The following TMEM87A variants were observed in gnomAD, a reference collection of about 807,000 sequenced individuals.
TMEM87A encodes the protein transmembrane protein 87A, also known as Golgi-pH regulating cation channel.
A neutral mutation model predicts 90.0 loss-of-function variants in TMEM87A; 50 were observed. The observed-to-expected ratio is 0.56, with a 90% CI of 0.44 to 0.70. The LOEUF is 0.70. Ranked by LOEUF, TMEM87A falls within the 30% of genes least tolerant of loss-of-function variation. The probability of loss-of-function intolerance (pLI) is 0.00; values close to 1 mark genes in which losing one functional copy is unlikely to be tolerated. For synonymous variants in TMEM87A, 226 were observed against 226.7 expected (o/e 1.00, Z 0.03); for missense variants, 577 against 660.5 (o/e 0.87, Z 1.39).
chr15:42,258,727 C>A, intron 6 of TMEM87A: 3 of 1,378,626 alleles, frequency 2.2e-6, no homozygotes, highest in Non-Finnish European at 2.8e-6. Flanking sequence ...GTACCCAGTC[C>A]TAATGGCTAT....
At chr15:42,242,570 G>C (rs1201014686) in intron 7 of TMEM87A, among the ~76,000 whole-genome samples, 1 of 151,782 alleles carries the variant, frequency 6.6e-6, no homozygotes, top group Admixed American at 6.6e-5. Context: ...GGAAGAGAAA[G>C]AGAGAGAGAG....
At chr15:42,260,222 A>T (rs1269458592) in intron 6 of TMEM87A, among the ~76,000 whole-genome samples, 4 of 152,130 alleles carry the variant, frequency 2.6e-5, no homozygotes, top group African/African-American at 4.8e-5. Flanking sequence ...AAAATTTTTT[A>T]AAATTAACCA....
chr15:42,273,553 TCGTCTGTGCGC>T (rs1346784287), upstream of TMEM87A: 7 of 1,315,374 alleles, frequency 5.3e-6, no homozygotes, highest in Non-Finnish European at 6.1e-6. Context: ...TCTCAGACAG[TCGTCTGTGCGC>T]CGTGAGACTT....
rs189313975 is a variant in TMEM87A at position 42,256,089 on chromosome 15, A to G, written c.504+4869T>C. Among the ~76,000 whole-genome samples the G allele has an allele frequency of 1.8e-3, 267 of 152,126 alleles. 8 individuals are homozygous for G. In the South Asian group the frequency reaches 0.04, roughly 23 times the overall value. On this transcript the variant is annotated intron_variant, in intron 6 of 19. Coordinates refer to ENST00000389834, the MANE Select transcript of TMEM87A (RefSeq NM_015497.5). ...GCCACCACACCCGGCCCATAAACAT[A>G]TATGTTTAATCAGAGCTTTAATGAA...
chr15:42,270,228 G>A (rs1167158091), intron 2 of TMEM87A, among the ~76,000 whole-genome samples: 5 of 151,442 alleles, frequency 3.3e-5, no homozygotes, highest in Non-Finnish European at 7.4e-5. Flanking sequence ...AAAATTAGCC[G>A]GCGTGGTGGC....
intron 13 of TMEM87A, among the ~76,000 whole-genome samples, 171 bp from the exon 14 acceptor site, chr15:42,227,940 C>T (rs1297758082): frequency 6.6e-6 from 1 of 152,166 alleles, no homozygotes; most frequent in East Asian, 1.9e-4. Flanking sequence ...TGTATACCTG[C>T]TATCAGCAAG....
intron 2 of TMEM87A, 61 bp downstream of exon 2, chr15:42,272,001 TA>T (rs1469981674): frequency 3.0e-5 from 40 of 1,347,314 alleles, no homozygotes; most frequent in Non-Finnish European, 4.0e-5. Flanking sequence ...ATAGGTAATT[TA>T]AAACATTACC....
intron 6 of TMEM87A, 111 bp downstream of exon 6, chr15:42,260,847 T>C: frequency 8.2e-7 from 1 of 1,214,018 alleles, no homozygotes; most frequent in Admixed American, 2.4e-5. Flanking sequence ...AGCTTCCAGA[T>C]TTAACTTTCT....
chr15:42,227,514 A>T, intron 14 of TMEM87A, 197 bp downstream of exon 14: 1 of 480,804 alleles, frequency 2.1e-6, no homozygotes, highest in Non-Finnish European at 3.7e-6. Flanking sequence ...GTCAGAAAAA[A>T]CAAACAAAAA....
chr15:42,273,529 C>T (rs906667336), upstream of TMEM87A: 19 of 1,443,836 alleles, frequency 1.3e-5, no homozygotes, highest in African/African-American at 1.7e-4. Flanking sequence ...TGCTGTGCGG[C>T]GTAGCGGCCC....
At position 42,227,763 on chromosome 15, in the gene TMEM87A, A is replaced by G. The variant is rs1180693640; in HGVS notation, c.1247T>C (p.Ile416Thr). Reference protein sequence around the residue: ...NTLILAVAASIVFIIWTTMKF... With the variant: ...NTLILAVAASTVFIIWTTMKF... Reference sequence around the variant, plus strand: ...CATGGTTGTCCAGATGATAAACACAATGGATGCTAACAGTAAATGAAAAAC... The same window carrying G: ...CATGGTTGTCCAGATGATAAACACAGTGGATGCTAACAGTAAATGAAAAAC... The change falls in exon 14 of 20, where the codon ATT (isoleucine) becomes ACT (threonine). Residue 416 changes from isoleucine to threonine, a missense_variant. Coordinates refer to ENST00000389834, the MANE Select transcript of TMEM87A (RefSeq NM_015497.5). 1 of 1,613,908 alleles carries G rather than the reference A, an allele frequency of 6.2e-7. No homozygotes were observed. Among genetic ancestry groups the G allele is most frequent in the East Asian group, 2.2e-5 (1 of 44,844 alleles).
intron 15 of TMEM87A, 125 bp downstream of exon 15, chr15:42,226,681 C>A: frequency 1.3e-6 from 1 of 797,284 alleles, no homozygotes; most frequent in Non-Finnish European, 2.0e-6. Flanking sequence ...CCCAGTTCTT[C>A]TGATTCCAGG....
At chr15:42,221,768 T>G (rs1422456434) in intron 15 of TMEM87A, among the ~76,000 whole-genome samples, 1 of 152,140 alleles carries the variant, frequency 6.6e-6, no homozygotes, top group African/African-American at 2.4e-5. Flanking sequence ...AAAATTTTTT[T>G]GAGACAGGGT....
chr15:42,218,179 A>T, intron 18 of TMEM87A, 144 bp downstream of exon 18: 1 of 829,112 alleles, frequency 1.2e-6, no homozygotes, highest in Non-Finnish European at 1.9e-6. Flanking sequence ...AAACCCAATT[A>T]ATTTTGTTTG....
chr15:42,256,330 A>G (rs1391618630), intron 6 of TMEM87A, among the ~76,000 whole-genome samples: 1 of 152,044 alleles, frequency 6.6e-6, no homozygotes. Flanking sequence ...TAGTAGAGAT[A>G]GGGTTTTGTC....
At position 42,251,383 on chromosome 15, in the gene TMEM87A, C is replaced by T. The variant is rs576971931; in HGVS notation, c.505-7216G>A. On this transcript the variant is annotated intron_variant, in intron 6 of 19. Coordinates refer to ENST00000389834, the MANE Select transcript of TMEM87A (RefSeq NM_015497.5). Reference sequence around the variant, plus strand: ...TTTCTCCCCATCTTTGTGGTTTTATCTACCTTTGGTCTTTGATGTTGGTGA... The same window carrying T: ...TTTCTCCCCATCTTTGTGGTTTTATTTACCTTTGGTCTTTGATGTTGGTGA... Among the ~76,000 whole-genome samples the T allele has an allele frequency of 9.8e-5, 15 of 152,332 alleles. 1 individual carries two copies. Among genetic ancestry groups the T allele is most frequent in the Middle Eastern group, 3.4e-3 (1 of 294 alleles).
intron 7 of TMEM87A, among the ~76,000 whole-genome samples, chr15:42,242,187 C>T (rs2050884659): frequency 6.6e-6 from 1 of 152,076 alleles, no homozygotes; most frequent in Non-Finnish European, 1.5e-5. Flanking sequence ...AGGCCGACTC[C>T]ATGATCATGT....
At chr15:42,257,096 T>C (rs1047168357) in intron 6 of TMEM87A, among the ~76,000 whole-genome samples, 1 of 152,176 alleles carries the variant, frequency 6.6e-6, no homozygotes, top group African/African-American at 2.4e-5. Flanking sequence ...CTATTTTAAA[T>C]GATGACAGCC....
intron 17 of TMEM87A, chr15:42,219,021 CCTATCAACAGAGTA>C: frequency 6.5e-6 from 1 of 153,224 alleles, no homozygotes. Flanking sequence ...AACTCACATT[CCTATCAACAGAGTA>C]CAAGGGTTCC....
Sources: allele counts gnomAD v4.1 joint callset (sites outside exome capture counted in the v4.1 genomes callset), GRCh38; gene constraint gnomAD v4.1.1; transcripts MANE v1.5; gene names NCBI Gene and HGNC (gene_info 2026-07-23, HGNC 2026-07-21).